The following CLMN variants were observed in gnomAD, a reference collection of about 807,000 sequenced individuals.
CLMN encodes the protein calmin (calponin-like, transmembrane).
In CLMN, 57 loss-of-function variants were observed where a neutral mutation model predicts 92.7. The observed-to-expected ratio is 0.61, with a 90% CI of 0.50 to 0.77. The LOEUF (loss-of-function observed/expected upper bound fraction) is 0.77, where lower values mean the gene tolerates loss of function less well. Ranked by LOEUF, CLMN falls within the 30% of genes least tolerant of loss-of-function variation. CLMN has a pLI of 0.00. For synonymous variants in CLMN, 466 were observed against 470.6 expected, an observed-to-expected ratio of 0.99 and a Z score of 0.13; for missense variants, 1,158 against 1,237.5, an observed-to-expected ratio of 0.94 and a Z score of 0.96.
At chr14:95,202,670 G>C (rs920111106) in intron 9 of CLMN, among the ~76,000 whole-genome samples, 168 bp downstream of exon 9, 5 of 152,218 alleles carry the variant, frequency 3.3e-5, no homozygotes, top group Non-Finnish European at 5.9e-5. Context: ...TGCCAACCCT[G>C]CATTTGCCCG....
chr14:95,318,472 A>G (rs953138954), intron 1 of CLMN, among the ~76,000 whole-genome samples: 49 of 152,196 alleles, frequency 3.2e-4, no homozygotes, highest in African/African-American at 1.1e-3. Flanking sequence ...TGCCCAACCT[A>G]GGGGTGGGGC....
At chr14:95,243,759 C>T (rs75715652) in intron 1 of CLMN, among the ~76,000 whole-genome samples, 34,874 of 146,838 alleles carry the variant, frequency 0.24, 5,536 homozygotes, top group African/African-American at 0.45. Context: ...CCCAGAATTA[C>T]TCTGCTTATT....
At chr14:95,307,247 C>T (rs1901325714) in intron 1 of CLMN, among the ~76,000 whole-genome samples, 1 of 152,216 alleles carries the variant, frequency 6.6e-6, no homozygotes, top group Admixed American at 6.5e-5. Flanking sequence ...CCACACTCTC[C>T]CTTTGATTCC....
chr14:95,255,174 A>G (rs1310674888), intron 1 of CLMN, among the ~76,000 whole-genome samples: 2 of 152,150 alleles, frequency 1.3e-5, no homozygotes, highest in African/African-American at 2.4e-5. Context: ...GCTTCAGAGG[A>G]AGCCCCCTGC....
rs552341631 is a variant in CLMN, at chr14:95,184,235, G to A, written c.*7329C>T. On this transcript the variant is annotated 3_prime_UTR_variant, in exon 13 of 13. Coordinates refer to ENST00000298912, the MANE Select transcript of CLMN (RefSeq NM_024734.4). ...ACCCAGAGATCTGGTGACAGAGCTG[G>A]GACTCCAATCTAAATCTGGCTGACT... The A allele has an allele frequency of 6.6e-6, 1 of 152,238 alleles. No homozygotes were observed. The highest frequency in any genetic ancestry group is 2.4e-5 in the African/African-American group (1 of 41,550). The allele number at this position is 152,238 out of a possible 1,614,324, so 9.4% of individuals were successfully genotyped here.
chr14:95,202,980 A>C lies in CLMN; in HGVS notation c.2369T>G (p.Leu790Arg). 3 of 1,613,902 alleles carry C rather than the reference A, an allele frequency of 1.9e-6. No individual in the cohort carries two copies. Among genetic ancestry groups the C allele is most frequent in the Non-Finnish European group, 2.5e-6 (3 of 1,179,962 alleles). The change falls in exon 9 of 13, where the codon CTC (leucine) becomes CGC (arginine). Residue 790 changes from leucine to arginine, a missense_variant. Transcript: ENST00000298912. The stretch of plus-strand genomic sequence containing the variant: ...CAGCACCTGGTCGCTGGCACTGGGG[A>C]GGCTCTCTCCTGGCACCGAGGAACT... ...SSSSSVPGES[L>R]PSASDQVLYL...
Position 95,210,665 on chromosome 14 carries a change from GA to G in CLMN, c.802+20del. On this transcript the variant is annotated intron_variant, in intron 7 of 12. Transcript: ENST00000298912. ...ATTTGTAAAAAAAAATTATTAGAAA[GA>G]AAGAGAGAACCACTGCTACCTTCTG... 6.3e-7 allele frequency: 1 copy of G among 1,594,082 alleles called. No homozygotes were observed. The highest frequency in any genetic ancestry group is 8.5e-7 in the Non-Finnish European group (1 of 1,174,240).
At chr14:95,218,933 A>C (rs1897438657) in intron 4 of CLMN, among the ~76,000 whole-genome samples, 1 of 152,196 alleles carries the variant, frequency 6.6e-6, no homozygotes, top group Non-Finnish European at 1.5e-5. Flanking sequence ...GCACTCCCTC[A>C]TTGCCACACC....
intron 1 of CLMN, among the ~76,000 whole-genome samples, chr14:95,271,819 C>T (rs1327416727): frequency 6.6e-6 from 1 of 152,224 alleles, no homozygotes. Flanking sequence ...AGTCTGTCTC[C>T]ACTCCGTGCC....
chr14:95,246,507 C>T (rs764692576), intron 1 of CLMN, among the ~76,000 whole-genome samples: 3 of 152,228 alleles, frequency 2.0e-5, no homozygotes, highest in Non-Finnish European at 2.9e-5. Flanking sequence ...CTCGCTCTGT[C>T]GCCCAGGCTG....
rs368260404 is a variant in CLMN, at chr14:95,194,614, G to A, written c.2709-18C>T. The stretch of plus-strand genomic sequence containing the variant: ...GACTAGTCCTGAAAAACAAACACAT[G>A]TTTTGAATTGGTACCACCTGGAGCT... On this transcript the variant is annotated intron_variant, in intron 10 of 12. Transcript: ENST00000298912. The surrounding 1 kb of genome is among the most constrained non-coding windows in gnomAD (Gnocchi z 4.0). 3 of 1,613,268 alleles carry A rather than the reference G, an allele frequency of 1.9e-6. No homozygotes were observed. The South Asian group carries it at 3.3e-5, about 18-fold the overall frequency.
Position 95,218,267 on chromosome 14 carries a change from G to A in CLMN, c.325-2534C>T, listed in dbSNP as rs534525230. Among the ~76,000 whole-genome samples the A allele has an allele frequency of 1.4e-3, 219 of 152,298 alleles. 7 individuals carry two copies. The South Asian group carries it at 0.043, about 30-fold the overall frequency. On this transcript the variant is annotated intron_variant, in intron 4 of 12. Transcript: ENST00000298912. The stretch of plus-strand genomic sequence containing the variant: ...CCGAGAATGGAGAGTGCTTTTCACA[G>A]GTCAGTTCCTTTAGTGTTTACAATA...
intron 1 of CLMN, among the ~76,000 whole-genome samples, chr14:95,268,470 C>T (rs149211535): frequency 1.3e-5 from 2 of 151,308 alleles, no homozygotes; most frequent in Admixed American, 6.6e-5. Flanking sequence ...GAGTTGGAAA[C>T]TGGATTTGAA....
intron 6 of CLMN, among the ~76,000 whole-genome samples, 197 bp downstream of exon 6, chr14:95,213,022 G>C (rs1897240933): frequency 6.6e-6 from 1 of 152,224 alleles, no homozygotes; most frequent in Middle Eastern, 3.4e-3. Context: ...TCCCTGACCT[G>C]GTGATCCACT....
chr14:95,241,066 T>C (rs570250509), intron 1 of CLMN, among the ~76,000 whole-genome samples: 1 of 152,166 alleles, frequency 6.6e-6, no homozygotes, highest in Admixed American at 6.5e-5. Flanking sequence ...TGACCTCTTG[T>C]GTTCAGTTAT....
intron 1 of CLMN, among the ~76,000 whole-genome samples, chr14:95,270,886 C>A (rs1249063393): frequency 1.3e-5 from 2 of 152,114 alleles, no homozygotes; most frequent in Non-Finnish European, 2.9e-5. Context: ...TTTTGAGAAA[C>A]GGACAGACTG....
chr14:95,199,692 A>C (rs1187624), intron 9 of CLMN, among the ~76,000 whole-genome samples: 18,234 of 152,180 alleles, frequency 0.12, 1,588 homozygotes, highest in East Asian at 0.43. Context: ...CAAAAATGTG[A>C]TCAGCTATAG....
At chr14:95,281,662 G>A (rs1209264621) in intron 1 of CLMN, among the ~76,000 whole-genome samples, 1 of 152,200 alleles carries the variant, frequency 6.6e-6, no homozygotes, top group Non-Finnish European at 1.5e-5. Context: ...CTCCATATCA[G>A]CTTGGTTCCA....
chr14:95,238,648 C>T (rs181929357), intron 1 of CLMN, among the ~76,000 whole-genome samples: 2 of 152,316 alleles, frequency 1.3e-5, no homozygotes, highest in Admixed American at 6.5e-5. Context: ...CCTCCACCAC[C>T]CCCTGCCACC....
Sources: allele counts gnomAD v4.1 joint callset (sites outside exome capture counted in the v4.1 genomes callset), GRCh38; gene constraint gnomAD v4.1.1; non-coding constraint Gnocchi (gnomAD v3.1); transcripts MANE v1.5; gene names NCBI Gene and HGNC (gene_info 2026-07-23, HGNC 2026-07-21).